CTSH: variants seen among roughly 807,000 people sequenced by gnomAD.
The protein encoded by CTSH is cathepsin H, also known as pro-cathepsin H.
CTSH carries 52 observed loss-of-function variants against 56.3 expected under a neutral mutation model. That is an observed-to-expected ratio of 0.92 (90% CI 0.74 to 1.16). The LOEUF (loss-of-function observed/expected upper bound fraction) is 1.16, where lower values mean the gene tolerates loss of function less well. Among genes scored for constraint, CTSH ranks in the 50% most tolerant of loss-of-function variants. CTSH has a pLI of 0.00. For synonymous variants in CTSH, 174 were observed against 155.7 expected (o/e 1.12, Z -0.88); for missense variants, 406 against 424.5 (o/e 0.96, Z 0.38).
At chr15:78,931,161 T>G (rs1390903464) in intron 7 of CTSH, among the ~76,000 whole-genome samples, 2 of 152,202 alleles carry the variant, frequency 1.3e-5, no homozygotes, top group South Asian at 4.1e-4. Context: ...TAAATTCTTT[T>G]GGCCACACTC....
chr15:78,931,309 C>A (rs1191868837), intron 7 of CTSH, 142 bp downstream of exon 7: 2 of 1,035,254 alleles, frequency 1.9e-6, no homozygotes, highest in African/African-American at 3.1e-5. Flanking sequence ...GAGGTGACCA[C>A]CCCTGTACAA....
chr15:78,929,383 G>A lies in CTSH; in HGVS notation c.630+29C>T, dbSNP rs73470390. 1.5e-3 allele frequency: 2,311 copies of A among 1,572,056 alleles called. 34 individuals are homozygous for A. In the African/African-American group the frequency reaches 0.027, roughly 18 times the overall value. ...TGAAGCTAGGCATGCTGTACGCCAA[G>A]AAGACAGAGTGGAGGCTGTTGGAGT... On this transcript the variant is annotated intron_variant, in intron 8 of 11. Transcript: ENST00000220166.
intron 6 of CTSH, 48 bp from the exon 7 acceptor site, chr15:78,931,554 A>C: frequency 6.2e-7 from 1 of 1,614,002 alleles, no homozygotes. Flanking sequence ...GAAGCCGTCA[A>C]GGCTTTGGCG....
chr15:78,933,510 T>C (rs936492172), intron 5 of CTSH: 2 of 454,706 alleles, frequency 4.4e-6, no homozygotes, highest in Non-Finnish European at 4.4e-6. Context: ...TCACCCTAGG[T>C]TGACACTGGC....
chr15:78,938,700 A>T (rs922080597), intron 2 of CTSH, among the ~76,000 whole-genome samples: 1 of 152,174 alleles, frequency 6.6e-6, no homozygotes, highest in Non-Finnish European at 1.5e-5. Flanking sequence ...GGCTATTGTG[A>T]CTAGTTCTGC....
At chr15:78,922,823 G>A (rs921667294) in intron 11 of CTSH, among the ~76,000 whole-genome samples, 170 bp downstream of exon 11, 1 of 152,214 alleles carries the variant, frequency 6.6e-6, no homozygotes. Flanking sequence ...ATGGGGGCTT[G>A]GAAATGTGGA....
At position 78,935,672 on chromosome 15, in the gene CTSH, A is replaced by G; in HGVS notation, c.300+8T>C. The G allele has an allele frequency of 6.2e-7, 1 of 1,606,094 alleles. No homozygotes were observed. The highest frequency in any genetic ancestry group is 8.5e-7 in the Non-Finnish European group (1 of 1,174,058). ...GATTCAGATTTGGTTGCAATGAATT[A>G]TACCTACCTGAGGCTCTGACCAGAG... On this transcript the variant is annotated splice_region_variant and intron_variant, in intron 4 of 11. Transcript: ENST00000220166.
chr15:78,922,577 G>A (rs1448293851), intron 11 of CTSH, among the ~76,000 whole-genome samples: 1 of 152,180 alleles, frequency 6.6e-6, no homozygotes, highest in Non-Finnish European at 1.5e-5. Flanking sequence ...CAAAGGCACA[G>A]CAGCATATAC....
intron 1 of CTSH, among the ~76,000 whole-genome samples, chr15:78,942,555 A>G (rs1243291139): frequency 6.6e-6 from 1 of 152,188 alleles, no homozygotes; most frequent in Non-Finnish European, 1.5e-5. Flanking sequence ...TGATATCCCC[A>G]TGAAGTCCTC....
In CTSH at chr15:78,922,176, A is replaced by G. The variant is rs1199431032; in HGVS notation, c.962T>C (p.Met321Thr). The G allele has an allele frequency of 1.3e-5, 21 of 1,583,592 alleles. No homozygotes were observed. Among genetic ancestry groups the G allele is most frequent in the Admixed American group, 1.8e-5 (1 of 55,512 alleles). Residue 321 changes from methionine (M) to threonine (T), a missense_variant, in exon 12 of 12, where the codon ATG (methionine) becomes ACG (threonine). Coordinates refer to ENST00000220166, the MANE Select transcript of CTSH (RefSeq NM_004390.5). ...GGAGGCGCAGGCAGCCAGGCCACACATGTTCTTTCCGCGCTCGATGAGGAA... is the reference window on the plus strand; with the variant it reads ...GGAGGCGCAGGCAGCCAGGCCACACGTGTTCTTTCCGCGCTCGATGAGGAA... ...GYFLIERGKN[M>T]CGLAACASYP...
At chr15:78,922,244 C>T (rs930414860) in intron 11 of CTSH, 39 bp from the exon 12 acceptor site, 5 of 1,514,282 alleles carry the variant, frequency 3.3e-6, no homozygotes, top group East Asian at 4.9e-5. Flanking sequence ...CCGGCGGTCT[C>T]CCCACCACAG....
Position 78,927,726 on chromosome 15 carries a change from G to C in CTSH, c.686C>G (p.Ala229Gly). ...ATCGGCACTCACGATTGTGATGTTG[G>C]CTACATCCTTGACAAAGCCGATGGC... ...GKAIGFVKDV[A>G]NITIYDEEAM... The change falls in exon 9 of 12, where the codon GCC becomes GGC. Residue 229 changes from alanine (A) to glycine (G), a missense_variant. Ala to Gly is a moderately conservative substitution (Grantham distance 60). Coordinates refer to ENST00000220166, the MANE Select transcript of CTSH (RefSeq NM_004390.5). 1.2e-6 allele frequency: 2 copies of C among 1,614,114 alleles called. No individual in the cohort carries two copies.
At chr15:78,934,192 C>G (rs2055124199) in intron 5 of CTSH, among the ~76,000 whole-genome samples, 1 of 152,210 alleles carries the variant, frequency 6.6e-6, no homozygotes, top group Admixed American at 6.5e-5. Flanking sequence ...GCCCGGGAGG[C>G]TTTAAAGCTG....
chr15:78,940,428 TA>T (rs1211502499), intron 1 of CTSH, among the ~76,000 whole-genome samples: 1 of 148,594 alleles, frequency 6.7e-6, no homozygotes, highest in Non-Finnish European at 1.5e-5. Flanking sequence ...TACAAAAAAA[TA>T]AAAAAAATTA....
intron 11 of CTSH, 66 bp from the exon 12 acceptor site, chr15:78,922,271 T>G: frequency 7.4e-7 from 1 of 1,357,602 alleles, no homozygotes; most frequent in Non-Finnish European, 1.0e-6. Context: ...CTAGAATGTT[T>G]TGCTGCTCAC....
rs543936667 is a variant in CTSH at position 78,944,948 on chromosome 15, C to A, written c.34G>T (p.Ala12Ser). Residue 12 changes from alanine to serine, a missense_variant, in exon 1 of 12, where the codon GCC becomes TCC. Coordinates refer to ENST00000220166, the MANE Select transcript of CTSH (RefSeq NM_004390.5). ...CAGACGGGGACTCCCAGGAGCCAGG[C>A]CCCGGCGCAGAGCAGCGGCAGCGTG... ...WATLPLLCAG[A>S]WLLGVPVCGA... 2 of 1,547,274 alleles carry A rather than the reference C, an allele frequency of 1.3e-6. No homozygotes were observed. The highest frequency in any genetic ancestry group is 1.7e-6 in the Non-Finnish European group (2 of 1,145,676).
intron 5 of CTSH, among the ~76,000 whole-genome samples, chr15:78,934,412 C>A (rs1567368026): frequency 6.6e-6 from 1 of 152,220 alleles, no homozygotes; most frequent in Non-Finnish European, 1.5e-5. Flanking sequence ...TCCAGACTCT[C>A]TGGGACAGGG....
At chr15:78,930,369 A>G (rs1008034174) in intron 7 of CTSH, among the ~76,000 whole-genome samples, 21 of 152,110 alleles carry the variant, frequency 1.4e-4, no homozygotes, top group African/African-American at 5.1e-4. Context: ...TCTACTAAAA[A>G]TACAAAAATT....
At chr15:78,944,775 C>T in intron 1 of CTSH, 116 bp downstream of exon 1, 1 of 1,388,798 alleles carries the variant, frequency 7.2e-7, no homozygotes, top group Middle Eastern at 1.9e-4. Flanking sequence ...CCTGGCCTCT[C>T]ACCGGGGAAA....
Sources: gnomAD v4.1 joint callset for allele counts (sites outside exome capture counted in the v4.1 genomes callset) on GRCh38, gnomAD v4.1.1 for gene constraint, MANE v1.5 for transcripts, NCBI Gene and HGNC (gene_info 2026-07-23, HGNC 2026-07-21) for gene names.